MAML3: variants seen among roughly 807,000 people sequenced by gnomAD.
The protein encoded by MAML3 is mastermind like transcriptional coactivator 3.
In MAML3, 27 loss-of-function variants were observed where a neutral mutation model predicts 101.9. That is an observed-to-expected ratio of 0.27 (90% CI 0.20 to 0.37). The LOEUF is 0.37. Ranked by LOEUF, MAML3 falls within the 10% of genes least tolerant of loss-of-function variation. The pLI is 1.00. For synonymous variants in MAML3, 501 were observed against 555.9 expected, an observed-to-expected ratio of 0.90 and a Z score of 1.39; for missense variants, 1,316 against 1,444.9, an observed-to-expected ratio of 0.91 and a Z score of 1.45.
chr4:139,820,955 A>T (rs1730962229), intron 2 of MAML3, among the ~76,000 whole-genome samples: 1 of 152,212 alleles, frequency 6.6e-6, no homozygotes, highest in African/African-American at 2.4e-5. Context: ...CTCTCCACAT[A>T]CTGCTAAATT....
At position 139,730,690 on chromosome 4, in the gene MAML3, G is replaced by T. The variant is rs747954904; in HGVS notation, c.2080-23C>A. ...CTCCTGGGAAGACAAGAGAGAGGGA[G>T]ATGCAGGGATTCCCCATAGAGACTC... On this transcript the variant is annotated intron_variant, in intron 2 of 4. Coordinates refer to ENST00000509479, the MANE Select transcript of MAML3 (RefSeq NM_018717.5). The T allele has an allele frequency of 1.3e-5, 20 of 1,596,754 alleles. No individual in the cohort carries two copies. The Middle Eastern group carries it at 5.6e-4, about 45-fold the overall frequency.
At chr4:139,857,536 AGAC>A (rs1368836547) in intron 2 of MAML3, among the ~76,000 whole-genome samples, 2 of 152,232 alleles carry the variant, frequency 1.3e-5, no homozygotes, top group Non-Finnish European at 2.9e-5. Flanking sequence ...TTCAGAGGTT[AGAC>A]ATTTAAGGTA....
chr4:140,008,262 G>A (rs1173671812), intron 1 of MAML3, among the ~76,000 whole-genome samples: 2 of 152,140 alleles, frequency 1.3e-5, no homozygotes, highest in Non-Finnish European at 2.9e-5. Context: ...CAGGAGAATC[G>A]CTTGTAGCCA....
chr4:140,098,151 A>C (rs994732562), intron 1 of MAML3, among the ~76,000 whole-genome samples: 1 of 152,212 alleles, frequency 6.6e-6, no homozygotes, highest in Non-Finnish European at 1.5e-5. Context: ...TCTATTTTGC[A>C]TATGTGAAGT....
intron 2 of MAML3, among the ~76,000 whole-genome samples, chr4:139,768,169 G>A (rs1729901194): frequency 6.6e-6 from 1 of 150,588 alleles, no homozygotes; most frequent in Non-Finnish European, 1.5e-5. Context: ...GGATGCATAA[G>A]TTTGTAAATA....
intron 1 of MAML3, among the ~76,000 whole-genome samples, chr4:139,920,039 T>A (rs1733095010): frequency 6.6e-6 from 1 of 152,250 alleles, no homozygotes; most frequent in Non-Finnish European, 1.5e-5. Context: ...ATAACTGTTT[T>A]TCTAACCTAA....
chr4:139,970,920 A>C (rs1186583008), intron 1 of MAML3, among the ~76,000 whole-genome samples: 1 of 152,166 alleles, frequency 6.6e-6, no homozygotes, highest in African/African-American at 2.4e-5. Flanking sequence ...ATTTGTTTTG[A>C]TTTCCAGAGA....
intron 1 of MAML3, among the ~76,000 whole-genome samples, chr4:140,132,238 GAA>G (rs1242635958): frequency 2.0e-5 from 3 of 152,244 alleles, no homozygotes; most frequent in African/African-American, 7.2e-5. Context: ...TCTCCTGTAA[GAA>G]AAGAGTGAAT....
chr4:139,854,177 A>G lies in MAML3; in HGVS notation c.2079+35180T>C, dbSNP rs565832253. ...GTTTCTTCACCTGAAAAACTGAGGA[A>G]TATAGCCTCACAGGTCATTTGAGAA... is the stretch of plus-strand genomic sequence containing the variant. On this transcript the variant is annotated intron_variant, in intron 2 of 4. Transcript: ENST00000509479. Among the ~76,000 whole-genome samples, 66 of 152,108 alleles carry G rather than the reference A, an allele frequency of 4.3e-4. 2 individuals carry two copies. The South Asian group carries it at 0.014, about 32-fold the overall frequency.
At chr4:139,803,643 C>G (rs1463714639) in intron 2 of MAML3, among the ~76,000 whole-genome samples, 1 of 152,144 alleles carries the variant, frequency 6.6e-6, no homozygotes, top group Non-Finnish European at 1.5e-5. Context: ...CCACATACCC[C>G]CACTGTGCTT....
intron 2 of MAML3, among the ~76,000 whole-genome samples, chr4:139,879,712 C>T (rs951566678): frequency 6.9e-5 from 1 of 14,598 alleles, no homozygotes; most frequent in Non-Finnish European, 1.2e-4. Flanking sequence ...GGGCCTTTGG[C>T]AGTGGAATCT....
chr4:139,723,532 G>A (rs938316023), intron 4 of MAML3, among the ~76,000 whole-genome samples: 7 of 152,058 alleles, frequency 4.6e-5, no homozygotes, highest in Admixed American at 2.0e-4. Context: ...GGCTGGTCTC[G>A]AACTCCCGAC....
chr4:139,948,214 CAATTTACAA>C (rs1733767350), intron 1 of MAML3, among the ~76,000 whole-genome samples: 1 of 152,144 alleles, frequency 6.6e-6, no homozygotes, highest in African/African-American at 2.4e-5. Flanking sequence ...AAAAACCCAA[CAATTTACAA>C]AGGTAAATTA....
rs994653215 is a variant in MAML3 at position 139,785,792 on chromosome 4, G to A, written c.2080-55125C>T. 3.3e-5 allele frequency among the ~76,000 whole-genome samples: 5 copies of A among 152,140 alleles called. No individual in the cohort carries two copies. The highest frequency in any genetic ancestry group is 1.9e-4 in the East Asian group (1 of 5,190). ...TTGATTGGCAAGTGAGCAGGGGGCA[G>A]CTTGTGGTTTGGAAGCTTCTCATAC... is the stretch of plus-strand genomic sequence containing the variant. On this transcript the variant is annotated intron_variant, in intron 2 of 4. Coordinates refer to ENST00000509479, the MANE Select transcript of MAML3 (RefSeq NM_018717.5). The surrounding 1 kb of genome is among the most constrained non-coding windows in gnomAD (Gnocchi z 4.3).
At chr4:139,758,790 A>C (rs760640897) in intron 2 of MAML3, among the ~76,000 whole-genome samples, 4 of 152,170 alleles carry the variant, frequency 2.6e-5, no homozygotes, top group Admixed American at 6.5e-5. Context: ...CATCTTCCTC[A>C]AGGCTTTTCC....
chr4:139,992,576 A>G (rs899017376), intron 1 of MAML3, among the ~76,000 whole-genome samples: 1 of 152,010 alleles, frequency 6.6e-6, no homozygotes, highest in African/African-American at 2.4e-5. Flanking sequence ...CTGTTGCCGG[A>G]GTGCAGTGGT....
chr4:140,018,582 T>C (rs918160956), intron 1 of MAML3, among the ~76,000 whole-genome samples: 1 of 152,264 alleles, frequency 6.6e-6, no homozygotes, highest in Non-Finnish European at 1.5e-5. Context: ...AGTCTAATAG[T>C]TGCTTGCAGC....
At chr4:140,079,972 A>G (rs1410434338) in intron 1 of MAML3, among the ~76,000 whole-genome samples, 2 of 152,218 alleles carry the variant, frequency 1.3e-5, no homozygotes. Flanking sequence ...CTCAACATGG[A>G]GTTGAGAAAA....
At chr4:139,812,566 G>C (rs1730823747) in intron 2 of MAML3, among the ~76,000 whole-genome samples, 1 of 152,214 alleles carries the variant, frequency 6.6e-6, no homozygotes, top group Non-Finnish European at 1.5e-5. Context: ...CTACAATTCA[G>C]TGGTCGGATA....
Sources: allele counts gnomAD v4.1 joint callset (sites outside exome capture counted in the v4.1 genomes callset), GRCh38; gene constraint gnomAD v4.1.1; non-coding constraint Gnocchi (gnomAD v3.1); transcripts MANE v1.5; gene names NCBI Gene and HGNC (gene_info 2026-07-23, HGNC 2026-07-21).